NRXN3: variants seen among roughly 807,000 people sequenced by gnomAD.
NRXN3 encodes neurexin 3, also known as neurexin III.
In NRXN3, 32 loss-of-function variants were observed where a neutral mutation model predicts 137.6. The ratio of observed to expected loss-of-function variants is 0.23; its 90% CI spans 0.18 to 0.31. The LOEUF is 0.31. Ranked by LOEUF, NRXN3 falls within the 10% of genes least tolerant of loss-of-function variation. The probability of loss-of-function intolerance (pLI) is 1.00; values close to 1 mark genes in which losing one functional copy is unlikely to be tolerated. For synonymous variants in NRXN3, 798 were observed against 784.5 expected (o/e 1.02, Z -0.29); for missense variants, 1,574 against 2,062.5 (o/e 0.76, Z 4.59).
At chr14:78,869,630 T>G (rs1567565465) in intron 10 of NRXN3, among the ~76,000 whole-genome samples, 2 of 152,176 alleles carry the variant, frequency 1.3e-5, no homozygotes, top group Non-Finnish European at 2.9e-5. Context: ...GTAATGCCTT[T>G]TCATATTCAT....
intron 15 of NRXN3, among the ~76,000 whole-genome samples, chr14:79,038,970 T>C (rs1320466173): frequency 2.6e-5 from 4 of 151,820 alleles, no homozygotes; most frequent in African/African-American, 4.8e-5. Context: ...GGATGGTAAA[T>C]TGGGTTTAGA....
At chr14:78,257,079 C>T (rs1397439725) in intron 2 of NRXN3, among the ~76,000 whole-genome samples, 3 of 152,198 alleles carry the variant, frequency 2.0e-5, no homozygotes, top group Non-Finnish European at 4.4e-5. Context: ...TGGGGAGATA[C>T]TCCAGTTACA....
chr14:79,280,328 C>T (rs2081068691), intron 15 of NRXN3: 1 of 1,614,016 alleles, frequency 6.2e-7, no homozygotes, highest in Admixed American at 1.7e-5. Flanking sequence ...GAGCCCTCCT[C>T]GCCGGCCGGC....
At chr14:79,309,812 A>T (rs1205965065) in intron 15 of NRXN3, among the ~76,000 whole-genome samples, 1 of 143,018 alleles carries the variant, frequency 7.0e-6, no homozygotes, top group Non-Finnish European at 1.5e-5. Context: ...GTTTGAGTTC[A>T]TTGTAGATTC....
chr14:79,192,765 ATTTTTTTT>A (rs961910712), intron 15 of NRXN3, among the ~76,000 whole-genome samples: 4 of 115,300 alleles, frequency 3.5e-5, no homozygotes, highest in Admixed American at 1.1e-4. Flanking sequence ...AATTCTCTTA[ATTTTTTTT>A]TTTTTTTTTT....
chr14:78,401,018 G>A (rs2091996769), intron 4 of NRXN3, among the ~76,000 whole-genome samples: 1 of 152,154 alleles, frequency 6.6e-6, no homozygotes, highest in South Asian at 2.1e-4. Context: ...TGAGGACCCT[G>A]TTCCCTGCTT....
At chr14:79,607,673 A>AT (rs10714829) in intron 16 of NRXN3, among the ~76,000 whole-genome samples, 41,618 of 141,572 alleles carry the variant, frequency 0.29, 6,892 homozygotes, top group Non-Finnish European at 0.39. Context: ...TTAATCTACA[A>AT]TTTTTTTTTT....
At chr14:78,279,636 G>T (rs1216983242) in intron 3 of NRXN3, 1 of 151,932 alleles carries the variant, frequency 6.6e-6, no homozygotes, top group South Asian at 2.1e-4. Context: ...TTTTGCCCAC[G>T]ATCATAGAGC....
intron 16 of NRXN3, among the ~76,000 whole-genome samples, chr14:79,589,956 G>C (rs893083439): frequency 1.3e-5 from 2 of 152,214 alleles, no homozygotes; most frequent in African/African-American, 4.8e-5. Context: ...ACGATATGTG[G>C]CTGGCAGAAA....
chr14:78,257,197 G>C (rs2069785829), intron 2 of NRXN3, among the ~76,000 whole-genome samples: 1 of 152,236 alleles, frequency 6.6e-6, no homozygotes, highest in Non-Finnish European at 1.5e-5. Context: ...TTGTGTAAGA[G>C]AGCAAAGTCT....
At chr14:78,582,125 G>A (rs921659235) in intron 4 of NRXN3, among the ~76,000 whole-genome samples, 1 of 152,238 alleles carries the variant, frequency 6.6e-6, no homozygotes, top group East Asian at 1.9e-4. Context: ...TTGTGGGTGA[G>A]CTCATGGTTT....
At chr14:78,273,018 T>G (rs1367082869) in intron 2 of NRXN3, among the ~76,000 whole-genome samples, 1 of 152,232 alleles carries the variant, frequency 6.6e-6, no homozygotes, top group Non-Finnish European at 1.5e-5. Flanking sequence ...AGATATTTCC[T>G]CAGGCCAGTC....
At chr14:79,783,444 T>A (rs1457762183) in intron 19 of NRXN3, among the ~76,000 whole-genome samples, 2 of 152,242 alleles carry the variant, frequency 1.3e-5, no homozygotes, top group Non-Finnish European at 2.9e-5. Context: ...CTGTTTTCAG[T>A]CCTGCTCTTT....
At chr14:79,139,610 A>T (rs981750084) in intron 15 of NRXN3, among the ~76,000 whole-genome samples, 15 of 152,146 alleles carry the variant, frequency 9.9e-5, no homozygotes, top group Non-Finnish European at 1.5e-4. Flanking sequence ...GTGTCACTAA[A>T]GCCCTACATT....
chr14:78,709,588 A>G lies in NRXN3; in HGVS notation c.1593A>G (p.Lys531=). 6.2e-7 allele frequency: 1 copy of G among 1,614,060 alleles called. No homozygotes were observed. The highest frequency in any genetic ancestry group is 8.5e-7 in the Non-Finnish European group (1 of 1,180,006). Residue 531 remains lysine (K), a synonymous_variant, in exon 7 of 21, where the codon AAA becomes AAG. Coordinates refer to ENST00000335750, the MANE Select transcript of NRXN3 (RefSeq NM_001330195.2). ...TGGGCTCTGGCACCATCAAAGTGAA[A>G]GCCACTCAGAAGAAAGCCAATGATG... is the stretch of plus-strand genomic sequence containing the variant. ...LDMGSGTIKV[K]ATQKKANDGE...
chr14:79,573,118 A>G (rs763906314), intron 16 of NRXN3: 2 of 152,170 alleles, frequency 1.3e-5, no homozygotes, highest in Non-Finnish European at 2.9e-5. Flanking sequence ...ATCCTTTCAG[A>G]TGCTTTTTAA....
intron 4 of NRXN3, among the ~76,000 whole-genome samples, chr14:78,473,163 G>A (rs1424048989): frequency 2.6e-5 from 4 of 152,086 alleles, no homozygotes; most frequent in South Asian, 4.2e-4. Flanking sequence ...AGCACTTTGG[G>A]AGGCCGAGGT....
chr14:78,235,391 C>A (rs1029840666), intron 1 of NRXN3, among the ~76,000 whole-genome samples: 3 of 152,002 alleles, frequency 2.0e-5, no homozygotes, highest in Non-Finnish European at 4.4e-5. Context: ...AATGGGTTTG[C>A]GCCTTCTTTG....
chr14:79,785,886 C>A (rs892824073), intron 19 of NRXN3, among the ~76,000 whole-genome samples: 3 of 151,884 alleles, frequency 2.0e-5, no homozygotes, highest in Non-Finnish European at 4.4e-5. Flanking sequence ...TCTGCTGAAC[C>A]ATCTCTTAAG....
Sources: allele counts gnomAD v4.1 joint callset (sites outside exome capture counted in the v4.1 genomes callset), GRCh38; gene constraint gnomAD v4.1.1; transcripts MANE v1.5; gene names NCBI Gene and HGNC (gene_info 2026-07-23, HGNC 2026-07-21).